AIG1: variants seen among roughly 807,000 people sequenced by gnomAD.
The protein encoded by AIG1 is androgen induced 1.
AIG1 carries 23 observed loss-of-function variants against 31.4 expected under a neutral mutation model. That is an observed-to-expected ratio of 0.73 (90% confidence interval 0.53 to 1.04). The LOEUF is 1.04. Ranked by LOEUF, AIG1 falls within the 50% of genes least tolerant of loss-of-function variation. The probability of loss-of-function intolerance (pLI) is 0.00; values close to 1 mark genes in which losing one functional copy is unlikely to be tolerated. For synonymous variants in AIG1, 100 were observed against 110.5 expected (o/e 0.90, Z 0.60); for missense variants, 274 against 295.0 (o/e 0.93, Z 0.52).
At chr6:143,085,872 T>C (rs1167271103) in intron 1 of AIG1, among the ~76,000 whole-genome samples, 1 of 152,256 alleles carries the variant, frequency 6.6e-6, no homozygotes, top group Non-Finnish European at 1.5e-5. Flanking sequence ...GTCGGACCTT[T>C]GTATGGTAAT....
Position 143,256,186 on chromosome 6 carries a change from C to T in AIG1, c.400-27924C>T, listed in dbSNP as rs1248074226. Among the ~76,000 whole-genome samples the T allele has an allele frequency of 6.6e-6, 1 of 152,034 alleles. No homozygotes were observed. Among genetic ancestry groups the T allele is most frequent in the East Asian group, 1.9e-4 (1 of 5,192 alleles). ...TTAGAATAAACAGAAGTAAACTTCC[C>T]AACATAGGCAGTGTTGTTTAAGTCT... On this transcript the variant is annotated intron_variant, in intron 3 of 5. Transcript: ENST00000357847. The surrounding 1 kb of genome is among the most constrained non-coding windows in gnomAD (Gnocchi z 4.6).
chr6:143,084,163 G>A (rs1353322914), intron 1 of AIG1, among the ~76,000 whole-genome samples: 4 of 152,118 alleles, frequency 2.6e-5, no homozygotes, highest in African/African-American at 4.8e-5. Context: ...GCATACCCGA[G>A]GCTCTGTGAC....
At chr6:143,261,607 T>G (rs1434180121) in intron 3 of AIG1, among the ~76,000 whole-genome samples, 2 of 152,204 alleles carry the variant, frequency 1.3e-5, no homozygotes, top group Non-Finnish European at 2.9e-5. Context: ...ATATATAAAG[T>G]ATAGCCCTTA....
chr6:143,095,311 C>A (rs1779653338), intron 1 of AIG1, among the ~76,000 whole-genome samples: 1 of 151,680 alleles, frequency 6.6e-6, no homozygotes, highest in African/African-American at 2.4e-5. Flanking sequence ...ATTACTAGTG[C>A]AGGAAGCAAA....
At position 143,208,566 on chromosome 6, in the gene AIG1, G is replaced by A. The variant is rs566356727; in HGVS notation, c.399+43383G>A. On this transcript the variant is annotated intron_variant, in intron 3 of 5. Coordinates refer to ENST00000357847, the MANE Select transcript of AIG1 (RefSeq NM_016108.4). ...TTATGAGACATTTTAAGGAATGGAA[G>A]GCTGTAATTTAGTGAGGAGGAAGAA... Among the ~76,000 whole-genome samples the A allele has an allele frequency of 1.5e-4, 23 of 152,294 alleles. No homozygotes were observed. The East Asian group carries it at 2.1e-3, about 14-fold the overall frequency.
intron 1 of AIG1, among the ~76,000 whole-genome samples, chr6:143,131,477 A>T (rs1783234230): frequency 6.6e-6 from 1 of 152,226 alleles, no homozygotes; most frequent in Non-Finnish European, 1.5e-5. Flanking sequence ...TCTTAAAGGC[A>T]GAGAGCTTTT....
intron 3 of AIG1, among the ~76,000 whole-genome samples, chr6:143,226,313 T>C (rs1792948904): frequency 6.6e-6 from 1 of 151,960 alleles, no homozygotes; most frequent in South Asian, 2.1e-4. Context: ...TGATCTCGGC[T>C]CACTGCAACT....
intron 4 of AIG1, among the ~76,000 whole-genome samples, chr6:143,314,849 G>A: frequency 6.6e-6 from 1 of 152,068 alleles, no homozygotes; most frequent in Non-Finnish European, 1.5e-5. Flanking sequence ...AAGCAAATCT[G>A]ATTGATTTTC....
chr6:143,305,220 G>A (rs9496573), intron 4 of AIG1, among the ~76,000 whole-genome samples: 50,542 of 151,884 alleles, frequency 0.33, 10,537 homozygotes, highest in African/African-American at 0.59. Context: ...TTGTGTCTCT[G>A]TTTCCTTCAG....
At chr6:143,099,382 C>A (rs1374372509) in intron 1 of AIG1, 1 of 152,144 alleles carries the variant, frequency 6.6e-6, no homozygotes, top group Non-Finnish European at 1.5e-5. Flanking sequence ...CTAAGCAAGA[C>A]AGGGATTATT....
At chr6:143,270,979 A>G (rs536201672) in intron 3 of AIG1, among the ~76,000 whole-genome samples, 4 of 152,338 alleles carry the variant, frequency 2.6e-5, no homozygotes, top group Non-Finnish European at 5.9e-5. Flanking sequence ...CTCTGTTAAT[A>G]TAATGCCATT....
At chr6:143,215,398 T>C (rs1791951245) in intron 3 of AIG1, among the ~76,000 whole-genome samples, 1 of 152,150 alleles carries the variant, frequency 6.6e-6, no homozygotes, top group Non-Finnish European at 1.5e-5. Flanking sequence ...CTTATTTTTA[T>C]CTGGGTATGT....
Position 143,268,509 on chromosome 6 carries a change from T to C in AIG1, c.400-15601T>C, listed in dbSNP as rs1796303373. ...ATATGTCAAGGAGGCTTATTAGCTG[T>C]GCATGACCATATATAAAATTACAGG... On this transcript the variant is annotated intron_variant, in intron 3 of 5. Coordinates refer to ENST00000357847, the MANE Select transcript of AIG1 (RefSeq NM_016108.4). This position sits in a 1 kb window ranked among gnomAD's most constrained non-coding sequence, Gnocchi z 5.0. Among the ~76,000 whole-genome samples the C allele has an allele frequency of 6.6e-6, 1 of 152,206 alleles. No individual in the cohort carries two copies. The highest frequency in any genetic ancestry group is 6.5e-5 in the Admixed American group (1 of 15,276).
intron 2 of AIG1, among the ~76,000 whole-genome samples, chr6:143,149,481 C>T (rs977611701): frequency 1.4e-5 from 2 of 143,384 alleles, no homozygotes; most frequent in African/African-American, 5.3e-5. Flanking sequence ...GAGCCGAGAT[C>T]GCGCCACTGC....
At chr6:143,262,672 A>G (rs1244166442) in intron 3 of AIG1, among the ~76,000 whole-genome samples, 1 of 152,184 alleles carries the variant, frequency 6.6e-6, no homozygotes. Flanking sequence ...ATGCATCAAA[A>G]CAGAACTAAA....
intron 3 of AIG1, chr6:143,189,961 C>G (rs777595734): frequency 1.5e-5 from 8 of 532,670 alleles, no homozygotes; most frequent in Middle Eastern, 9.6e-4. Flanking sequence ...GATGAGGATC[C>G]TCTTCCAGAT....
intron 1 of AIG1, among the ~76,000 whole-genome samples, chr6:143,064,151 A>G (rs1776490294): frequency 6.6e-6 from 1 of 152,268 alleles, no homozygotes; most frequent in Admixed American, 6.5e-5. Context: ...ACATTAGGTT[A>G]CATGGCAAAG....
intron 1 of AIG1, 96 bp from the exon 2 acceptor site, chr6:143,136,739 A>T (rs1783789701): frequency 5.4e-6 from 6 of 1,117,650 alleles, no homozygotes; most frequent in African/African-American, 3.2e-5. Flanking sequence ...ATCCTTTCTT[A>T]TTAGATGTCA....
chr6:143,330,420 G>A lies in AIG1; in HGVS notation c.516-2862G>A, dbSNP rs564224834. Among the ~76,000 whole-genome samples the A allele has an allele frequency of 6.6e-6, 1 of 152,240 alleles. No homozygotes were observed. The highest frequency in any genetic ancestry group is 2.1e-4 in the South Asian group (1 of 4,812). ...CAAGGGGATGCTGTGGGGGTGGTGAGGAGTATTGTTCTGGGCAGGGGAATA... is the reference window on the plus strand; with the variant it reads ...CAAGGGGATGCTGTGGGGGTGGTGAAGAGTATTGTTCTGGGCAGGGGAATA... On this transcript the variant is annotated intron_variant, in intron 4 of 5. Coordinates refer to ENST00000357847, the MANE Select transcript of AIG1 (RefSeq NM_016108.4). This position sits in a 1 kb window ranked among gnomAD's most constrained non-coding sequence, Gnocchi z 4.4.
Sources: gnomAD v4.1 joint callset for allele counts (sites outside exome capture counted in the v4.1 genomes callset) on GRCh38, gnomAD v4.1.1 for gene constraint, Gnocchi (gnomAD v3.1) non-coding constraint, MANE v1.5 for transcripts, NCBI Gene and HGNC (gene_info 2026-07-23, HGNC 2026-07-21) for gene names.